Variants in LHPP observed in about 807,000 individuals in gnomAD.
LHPP encodes phospholysine phosphohistidine inorganic pyrophosphate phosphatase, also known as hLHPP.
Under a neutral mutation model 30.3 loss-of-function variants are expected in LHPP, and 24 were observed. That is an observed-to-expected ratio of 0.79 (90% CI 0.57 to 1.11). The LOEUF (loss-of-function observed/expected upper bound fraction) is 1.11. LHPP is among the 50% of genes most tolerant of loss of function. The probability of loss-of-function intolerance (pLI) is 0.00; values close to 1 mark genes in which losing one functional copy is unlikely to be tolerated. For synonymous variants in LHPP, 150 were observed against 157.1 expected (o/e 0.95, Z 0.34); for missense variants, 356 against 367.2 (o/e 0.97, Z 0.25).
intron 2 of LHPP, 75 bp from the exon 3 acceptor site, chr10:124,488,347 C>A: frequency 7.4e-7 from 1 of 1,349,640 alleles, no homozygotes; most frequent in Non-Finnish European, 1.0e-6. Flanking sequence ...TGAAAGGTGT[C>A]CCTGGTAGGA....
intron 6 of LHPP, among the ~76,000 whole-genome samples, chr10:124,533,770 A>T (rs1954952781): frequency 6.6e-6 from 1 of 152,244 alleles, no homozygotes; most frequent in Non-Finnish European, 1.5e-5. Context: ...CAGGGTGATG[A>T]GATGAACAAG....
intron 5 of LHPP, among the ~76,000 whole-genome samples, chr10:124,516,869 C>T (rs997469125): frequency 2.6e-5 from 4 of 152,122 alleles, no homozygotes; most frequent in African/African-American, 9.7e-5. Flanking sequence ...AGCCTGTGTT[C>T]CAGCAGAGGC....
At chr10:124,529,963 T>C (rs1029318222) in intron 6 of LHPP, among the ~76,000 whole-genome samples, 3 of 152,212 alleles carry the variant, frequency 2.0e-5, no homozygotes, top group Admixed American at 2.0e-4. Flanking sequence ...TGCTGGTCTT[T>C]GGCAGTGTGG....
At chr10:124,589,687 T>C (rs1948852394) in intron 6 of LHPP, among the ~76,000 whole-genome samples, 1 of 152,202 alleles carries the variant, frequency 6.6e-6, no homozygotes, top group Non-Finnish European at 1.5e-5. Flanking sequence ...TGGGACTTCC[T>C]TGTGTGTTAG....
Position 124,592,665 on chromosome 10 carries a change from G to A in LHPP, c.717-20599G>A, listed in dbSNP as rs1013661722. ...TGTGGAGCTGCCTCCAGGCCTTCCC[G>A]GAGGCCCCATGGCTGTCTTACTTGG... is the stretch of plus-strand genomic sequence containing the variant. On this transcript the variant is annotated intron_variant, in intron 6 of 6. Transcript: ENST00000368842. This position sits in a 1 kb window ranked among gnomAD's most constrained non-coding sequence, Gnocchi z 6.2. 3.9e-5 allele frequency among the ~76,000 whole-genome samples: 6 copies of A among 152,178 alleles called. No homozygotes were observed. Among genetic ancestry groups the A allele is most frequent in the Non-Finnish European group, 8.8e-5 (6 of 68,024 alleles).
intron 6 of LHPP, among the ~76,000 whole-genome samples, chr10:124,561,997 A>C (rs1184250873): frequency 3.3e-5 from 5 of 152,238 alleles, no homozygotes; most frequent in Admixed American, 6.5e-5. Flanking sequence ...CAAAGTAGAA[A>C]GTCTCAGCAA....
intron 6 of LHPP, among the ~76,000 whole-genome samples, chr10:124,606,111 C>G (rs1949089037): frequency 6.6e-6 from 1 of 152,168 alleles, no homozygotes; most frequent in Non-Finnish European, 1.5e-5. Flanking sequence ...CAAATGCAGC[C>G]CGAGGGAGGC....
intron 1 of LHPP, among the ~76,000 whole-genome samples, chr10:124,474,124 GC>G (rs1230669223): frequency 2.9e-5 from 4 of 138,712 alleles, no homozygotes; most frequent in Admixed American, 1.5e-4. Context: ...AGAGTGGGTT[GC>G]TTTGCCCTTT....
At chr10:124,598,742 C>T (rs1948984852) in intron 6 of LHPP, among the ~76,000 whole-genome samples, 1 of 152,084 alleles carries the variant, frequency 6.6e-6, no homozygotes, top group African/African-American at 2.4e-5. Context: ...CATCCCCATC[C>T]ATCCATCCCC....
chr10:124,481,909 C>G (rs1350982132), intron 1 of LHPP, among the ~76,000 whole-genome samples: 1 of 152,180 alleles, frequency 6.6e-6, no homozygotes, highest in Non-Finnish European at 1.5e-5. Context: ...TTTAAGACCC[C>G]ACACTGGGCT....
At chr10:124,494,310 G>A (rs1018987915) in intron 3 of LHPP, among the ~76,000 whole-genome samples, 4 of 152,174 alleles carry the variant, frequency 2.6e-5, no homozygotes, top group African/African-American at 7.2e-5. Flanking sequence ...TCCTCCAGCC[G>A]GCCCCAGGGT....
chr10:124,499,188 C>T (rs1375671325), intron 5 of LHPP, among the ~76,000 whole-genome samples: 1 of 151,710 alleles, frequency 6.6e-6, no homozygotes, highest in Non-Finnish European at 1.5e-5. Flanking sequence ...CCCCGGCTAA[C>T]TTTTGTATTT....
chr10:124,493,574 A>G (rs1444962540), intron 3 of LHPP: 1 of 152,214 alleles, frequency 6.6e-6, no homozygotes, highest in African/African-American at 2.4e-5. Flanking sequence ...TGTTTACCCG[A>G]CAGACTATGG....
At chr10:124,549,769 G>T (rs780629756) in intron 6 of LHPP, among the ~76,000 whole-genome samples, 5 of 152,272 alleles carry the variant, frequency 3.3e-5, no homozygotes, top group Non-Finnish European at 7.3e-5. Context: ...GCCGGGAAAG[G>T]CATGGCCTCC....
At chr10:124,503,998 C>T (rs1161246353) in intron 5 of LHPP, among the ~76,000 whole-genome samples, 2 of 152,096 alleles carry the variant, frequency 1.3e-5, no homozygotes, top group Non-Finnish European at 2.9e-5. Flanking sequence ...TCCAGACCAG[C>T]CTGGCCAACA....
At chr10:124,568,738 C>T (rs1948535521) in intron 6 of LHPP, among the ~76,000 whole-genome samples, 2 of 152,216 alleles carry the variant, frequency 1.3e-5, no homozygotes, top group Admixed American at 1.3e-4. Context: ...AGACTGTTGT[C>T]CCCAGGGCAG....
At chr10:124,589,490 C>T (rs1407289384) in intron 6 of LHPP, among the ~76,000 whole-genome samples, 4 of 152,236 alleles carry the variant, frequency 2.6e-5, no homozygotes, top group South Asian at 2.1e-4. Context: ...CGCAGACCCA[C>T]GGCAGGATTC....
chr10:124,568,681 C>T (rs1037985179), intron 6 of LHPP, among the ~76,000 whole-genome samples: 1 of 152,176 alleles, frequency 6.6e-6, no homozygotes, highest in African/African-American at 2.4e-5. Context: ...CGTGTGCTGG[C>T]ACTGGGATTC....
At chr10:124,544,258 C>T (rs750670118) in intron 6 of LHPP, among the ~76,000 whole-genome samples, 2 of 152,250 alleles carry the variant, frequency 1.3e-5, no homozygotes, top group Non-Finnish European at 2.9e-5. Flanking sequence ...CCCCCCATCT[C>T]GTGTCTTCTG....
Sources: gnomAD v4.1 joint callset for allele counts (sites outside exome capture counted in the v4.1 genomes callset) on GRCh38, gnomAD v4.1.1 for gene constraint, Gnocchi (gnomAD v3.1) non-coding constraint, MANE v1.5 for transcripts, NCBI Gene and HGNC (gene_info 2026-07-23, HGNC 2026-07-21) for gene names.